Variants in ADCY2 observed in about 807,000 individuals in gnomAD.
The protein encoded by ADCY2 is adenylate cyclase type 2.
Under a neutral mutation model 125.2 loss-of-function variants are expected in ADCY2, and 31 were observed. That is an observed-to-expected ratio of 0.25 (90% CI 0.19 to 0.33). ADCY2 has a LOEUF of 0.33. ADCY2 is among the 10% of genes least tolerant of loss of function. ADCY2 has a pLI of 1.00. For missense variants in ADCY2, 904 were observed against 1,418.2 expected (o/e 0.64, Z 5.82); for synonymous variants, 512 against 548.4 (o/e 0.93, Z 0.93).
chr5:7,818,949 C>T (rs915780671), intron 23 of ADCY2, among the ~76,000 whole-genome samples: 4 of 152,064 alleles, frequency 2.6e-5, no homozygotes, highest in African/African-American at 9.7e-5. Context: ...AGTATTAACT[C>T]ACACAATCAC....
At chr5:7,562,153 T>A (rs957244405) in intron 3 of ADCY2, among the ~76,000 whole-genome samples, 1 of 152,062 alleles carries the variant, frequency 6.6e-6, no homozygotes, top group Non-Finnish European at 1.5e-5. Context: ...ATTTTAATAT[T>A]TGGCGCTTCT....
chr5:7,412,474 C>T (rs951177280), intron 1 of ADCY2, among the ~76,000 whole-genome samples: 1 of 152,138 alleles, frequency 6.6e-6, no homozygotes, highest in African/African-American at 2.4e-5. Context: ...CTGTCATGTC[C>T]CACGTGTCCG....
Position 7,712,838 on chromosome 5 carries a change from C to G in ADCY2, c.1579-18C>G, listed in dbSNP as rs762027300. 4.4e-6 allele frequency: 7 copies of G among 1,580,932 alleles called. No homozygotes were observed. In the Admixed American group the frequency reaches 1.2e-4, roughly 27 times the overall value. Reference sequence around the variant, plus strand: ...TGAAACATGTTTTGACAATTAATAACCTTTTTTCTCAATATAGGATGTACC... The same window carrying G: ...TGAAACATGTTTTGACAATTAATAAGCTTTTTTCTCAATATAGGATGTACC... On this transcript the variant is annotated intron_variant, in intron 10 of 24. Coordinates refer to ENST00000338316, the MANE Select transcript of ADCY2 (RefSeq NM_020546.3).
At chr5:7,663,624 GC>G (rs1396117832) in intron 4 of ADCY2, among the ~76,000 whole-genome samples, 1 of 152,204 alleles carries the variant, frequency 6.6e-6, no homozygotes, top group Non-Finnish European at 1.5e-5. Context: ...CTTACTTAGG[GC>G]CTGCCACTTT....
intron 3 of ADCY2, among the ~76,000 whole-genome samples, chr5:7,544,285 A>G (rs760365183): frequency 7.2e-5 from 11 of 152,174 alleles, no homozygotes; most frequent in Non-Finnish European, 1.3e-4. Context: ...CTGAAACAAT[A>G]CACATTTTAC....
chr5:7,455,378 A>T (rs917556933), intron 2 of ADCY2, among the ~76,000 whole-genome samples: 1 of 152,160 alleles, frequency 6.6e-6, no homozygotes, highest in African/African-American at 2.4e-5. Context: ...AATTTGCAAC[A>T]CAGCTGATGA....
At chr5:7,697,625 TA>T (rs544029549) in intron 6 of ADCY2, among the ~76,000 whole-genome samples, 88 of 152,278 alleles carry the variant, frequency 5.8e-4, no homozygotes, top group African/African-American at 2.1e-3. Flanking sequence ...AAAATATAAA[TA>T]CAAAATTTAG....
chr5:7,597,092 C>T (rs2126631272), intron 3 of ADCY2, among the ~76,000 whole-genome samples: 2 of 152,236 alleles, frequency 1.3e-5, no homozygotes, highest in South Asian at 4.1e-4. Flanking sequence ...CCAGAAATTT[C>T]TATTTATCTT....
At chr5:7,811,873 C>T (rs999183412) in intron 22 of ADCY2, among the ~76,000 whole-genome samples, 13 of 152,324 alleles carry the variant, frequency 8.5e-5, no homozygotes, top group African/African-American at 2.4e-4. Context: ...CACTGACTCC[C>T]GAGGACCACT....
chr5:7,447,202 C>A (rs1741295687), intron 2 of ADCY2, among the ~76,000 whole-genome samples: 1 of 152,084 alleles, frequency 6.6e-6, no homozygotes, highest in African/African-American at 2.4e-5. Flanking sequence ...AGAACAAAAT[C>A]CCCCAAGCTC....
intron 2 of ADCY2, among the ~76,000 whole-genome samples, chr5:7,496,513 G>A (rs1210350296): frequency 6.6e-6 from 1 of 152,098 alleles, no homozygotes; most frequent in Non-Finnish European, 1.5e-5. Flanking sequence ...AATGAATTCG[G>A]CCATGTTATT....
At position 7,659,274 on chromosome 5, in the gene ADCY2, A is replaced by G. The variant is rs190593654; in HGVS notation, c.721-31417A>G. On this transcript the variant is annotated intron_variant, in intron 4 of 24. Coordinates refer to ENST00000338316, the MANE Select transcript of ADCY2 (RefSeq NM_020546.3). ...TTCCAGTTAAATAATGTGTAACTTA[A>G]CTAATTACATACATCTCTCCAATGC... Among the ~76,000 whole-genome samples, 265 of 152,350 alleles carry G rather than the reference A, an allele frequency of 1.7e-3. 1 individual carries two copies. The highest frequency in any genetic ancestry group is 2.7e-3 in the Non-Finnish European group (183 of 68,034).
chr5:7,757,795 C>T (rs1743064172), intron 16 of ADCY2, among the ~76,000 whole-genome samples: 1 of 152,172 alleles, frequency 6.6e-6, no homozygotes. Flanking sequence ...ATTTTGGAAA[C>T]TTGCATTTGG....
chr5:7,722,706 C>T (rs1439844973), intron 12 of ADCY2, among the ~76,000 whole-genome samples: 1 of 152,034 alleles, frequency 6.6e-6, no homozygotes, highest in Non-Finnish European at 1.5e-5. Flanking sequence ...TGCCTGTAAT[C>T]CCTGAACTTT....
chr5:7,685,323 G>A (rs1043644844), intron 4 of ADCY2: 6 of 152,274 alleles, frequency 3.9e-5, no homozygotes, highest in African/African-American at 1.4e-4. Context: ...GAAGAGCTGT[G>A]CTCTTACATG....
intron 15 of ADCY2, among the ~76,000 whole-genome samples, chr5:7,744,075 T>A (rs1185993789): frequency 6.6e-6 from 1 of 152,188 alleles, no homozygotes; most frequent in Non-Finnish European, 1.5e-5. Flanking sequence ...AATGCAAGTA[T>A]AATATGAGGC....
chr5:7,659,204 G>A (rs999245416), intron 4 of ADCY2, among the ~76,000 whole-genome samples: 2 of 152,220 alleles, frequency 1.3e-5, no homozygotes, highest in Non-Finnish European at 2.9e-5. Flanking sequence ...TTCAGCATAG[G>A]TATGGTTTTC....
intron 2 of ADCY2, among the ~76,000 whole-genome samples, chr5:7,418,511 G>T (rs887438561): frequency 2.6e-4 from 40 of 152,162 alleles, no homozygotes; most frequent in African/African-American, 9.2e-4. Context: ...GCAGTGGACC[G>T]GCTCATACCC....
At chr5:7,667,060 G>A (rs1418963741) in intron 4 of ADCY2, among the ~76,000 whole-genome samples, 5 of 152,170 alleles carry the variant, frequency 3.3e-5, no homozygotes, top group Admixed American at 6.5e-5. Flanking sequence ...ATCAAGAGAT[G>A]GATGGATGAA....
Sources: gnomAD v4.1 joint callset for allele counts (sites outside exome capture counted in the v4.1 genomes callset) on GRCh38, gnomAD v4.1.1 for gene constraint, MANE v1.5 for transcripts, NCBI Gene and HGNC (gene_info 2026-07-23, HGNC 2026-07-21) for gene names.